The following EIF3J variants were observed in gnomAD, a reference collection of about 807,000 sequenced individuals.
EIF3J encodes eukaryotic translation initiation factor 3 subunit J, also known as eukaryotic translation initiation factor 3, subunit 1 (alpha, 35kD).
EIF3J carries 15 observed loss-of-function variants against 39.0 expected under a neutral mutation model. The ratio of observed to expected loss-of-function variants is 0.38; its 90% confidence interval spans 0.26 to 0.59. EIF3J has a LOEUF of 0.59. Among genes scored for constraint, EIF3J ranks in the 20% least tolerant of loss-of-function variants. EIF3J has a pLI of 0.60. For missense variants in EIF3J, 226 were observed against 308.6 expected, an observed-to-expected ratio of 0.73 and a Z score of 2.00; for synonymous variants, 98 against 112.9, an observed-to-expected ratio of 0.87 and a Z score of 0.84.
intron 2 of EIF3J, among the ~76,000 whole-genome samples, chr15:44,548,032 C>T (rs1018666477): frequency 9.2e-5 from 14 of 152,054 alleles, no homozygotes; most frequent in African/African-American, 3.1e-4. Flanking sequence ...TATGGAAAAA[C>T]AAAACATGCA....
chr15:44,548,505 C>G (rs2082072422), intron 2 of EIF3J, among the ~76,000 whole-genome samples: 1 of 152,050 alleles, frequency 6.6e-6, no homozygotes, highest in Admixed American at 6.6e-5. Flanking sequence ...AGAAATAGAC[C>G]AAGTACATAT....
chr15:44,556,215 T>C (rs909849474), intron 5 of EIF3J, among the ~76,000 whole-genome samples: 1 of 152,214 alleles, frequency 6.6e-6, no homozygotes, highest in African/African-American at 2.4e-5. Context: ...CCCGCTTAGC[T>C]TCTGGAGTTA....
intron 7 of EIF3J, 58 bp from the exon 8 acceptor site, chr15:44,560,960 C>T (rs923068497): frequency 3.1e-5 from 50 of 1,589,180 alleles, no homozygotes; most frequent in Non-Finnish European, 4.2e-5. Context: ...GGTTGCTGTA[C>T]CAGATAAGAT....
intron 2 of EIF3J, among the ~76,000 whole-genome samples, 186 bp downstream of exon 2, chr15:44,537,613 C>G (rs1209898270): frequency 6.6e-6 from 1 of 152,326 alleles, no homozygotes; most frequent in Admixed American, 6.5e-5. Context: ...AGCGTGGCCT[C>G]CCGGACTCCC....
intron 2 of EIF3J, among the ~76,000 whole-genome samples, chr15:44,543,390 C>G (rs1458782048): frequency 6.7e-6 from 1 of 148,660 alleles, no homozygotes; most frequent in Non-Finnish European, 1.5e-5. Flanking sequence ...TGTCATGGCT[C>G]TTCTTGGTAC....
In EIF3J at chr15:44,561,921, A is replaced by G. The variant is rs1489924225; in HGVS notation, c.*772A>G. 1.3e-5 allele frequency: 2 copies of G among 152,638 alleles called. No individual in the cohort carries two copies. The highest frequency in any genetic ancestry group is 4.8e-5 in the African/African-American group (2 of 41,454). The allele number at this position is 152,638 out of a possible 1,614,324, so 9.5% of individuals were successfully genotyped here. A position where few individuals can be genotyped will look rare whatever the true frequency, so the allele number is the denominator to read the frequency against. ...TCTTTGTTCTCTTAGGCTGCAATGG[A>G]ACAACTTTACCAGGGTTTTGGCATT... On this transcript the variant is annotated 3_prime_UTR_variant, in exon 8 of 8. Coordinates refer to ENST00000261868, the MANE Select transcript of EIF3J (RefSeq NM_003758.4).
At chr15:44,549,764 CAAAAAAA>C (rs774290941) in intron 2 of EIF3J, among the ~76,000 whole-genome samples, 2 of 11,460 alleles carry the variant, frequency 1.7e-4, no homozygotes, top group African/African-American at 2.6e-4. Context: ...GACTCCGTCT[CAAAAAAA>C]AAAAAAAAAA....
chr15:44,539,529 TC>T (rs2081990729), intron 2 of EIF3J, among the ~76,000 whole-genome samples: 1 of 151,342 alleles, frequency 6.6e-6, no homozygotes, highest in Admixed American at 6.6e-5. Flanking sequence ...TGCCTCAGCC[TC>T]CCGAGGACTA....
At chr15:44,557,338 A>C in intron 5 of EIF3J, 151 bp from the exon 6 acceptor site, 1 of 443,862 alleles carries the variant, frequency 2.3e-6, no homozygotes. Flanking sequence ...TCACCCAGCC[A>C]TTCTATCCAG....
chr15:44,561,859 A>T lies in EIF3J; in HGVS notation c.*710A>T, dbSNP rs1411336465. The T allele has an allele frequency of 6.6e-6, 1 of 152,498 alleles. No individual in the cohort carries two copies. Among genetic ancestry groups the T allele is most frequent in the African/African-American group, 2.4e-5 (1 of 41,410 alleles). The allele number at this position is 152,498 out of a possible 1,614,324, so 9.4% of individuals were successfully genotyped here. On this transcript the variant is annotated 3_prime_UTR_variant, in exon 8 of 8. Coordinates refer to ENST00000261868, the MANE Select transcript of EIF3J (RefSeq NM_003758.4). ...TGCTTCAGGTGGGGGAGGGAAACTTATTTTTATTTGCCTGATTTAAGTGTC... is the reference window on the plus strand; with the variant it reads ...TGCTTCAGGTGGGGGAGGGAAACTTTTTTTTATTTGCCTGATTTAAGTGTC...
chr15:44,558,859 T>C (rs575554449), intron 6 of EIF3J: 2 of 152,334 alleles, frequency 1.3e-5, no homozygotes, highest in South Asian at 4.1e-4. Flanking sequence ...AGAGTTGATA[T>C]TTTATTCTGC....
intron 5 of EIF3J, 44 bp downstream of exon 5, chr15:44,554,711 G>C (rs1356534499): frequency 7.7e-7 from 1 of 1,301,856 alleles, no homozygotes; most frequent in East Asian, 2.4e-5. Flanking sequence ...AACTGTTACA[G>C]GTGAAGACCC....
At chr15:44,539,764 C>CT (rs1231685190) in intron 2 of EIF3J, among the ~76,000 whole-genome samples, 1 of 134,352 alleles carries the variant, frequency 7.4e-6, no homozygotes, top group Non-Finnish European at 1.6e-5. Context: ...TTAAAGCAAT[C>CT]TATCTATTCA....
At chr15:44,544,575 A>G (rs2082038184) in intron 2 of EIF3J, among the ~76,000 whole-genome samples, 1 of 151,756 alleles carries the variant, frequency 6.6e-6, no homozygotes. Flanking sequence ...GTGGTAGCAC[A>G]TGCCTGTAAT....
chr15:44,560,678 A>G, intron 7 of EIF3J: 1 of 335,484 alleles, frequency 3.0e-6, no homozygotes, highest in Non-Finnish European at 5.5e-6. Flanking sequence ...TAAGAGAAGT[A>G]TGTCAAGTAA....
chr15:44,539,768 CTATT>C (rs1302412776), intron 2 of EIF3J, among the ~76,000 whole-genome samples: 1 of 131,010 alleles, frequency 7.6e-6, no homozygotes, highest in African/African-American at 2.9e-5. Flanking sequence ...AGCAATCTAT[CTATT>C]CATCTAATTT....
rs760374692 is a variant in EIF3J, at chr15:44,550,911, G to T, written c.183G>T (p.Glu61Asp). The T allele has an allele frequency of 5.0e-6, 8 of 1,609,324 alleles. No homozygotes were observed. The highest frequency in any genetic ancestry group is 1.3e-5 in the African/African-American group (1 of 74,816). The change falls in exon 3 of 8, where the codon GAG becomes GAT. Residue 61 changes from glutamate (E) to aspartate (D), a missense_variant. Transcript: ENST00000261868. ...NWDDDDDEKK[E>D]EAEVKPEVKI... is the part of the protein sequence containing the mutation. The stretch of plus-strand genomic sequence containing the variant: ...ATGACGATGATGATGAAAAAAAAGA[G>T]GAAGCAGAAGTAAAACCAGGTGAGC...
In EIF3J at chr15:44,561,853, A is replaced by G. The variant is rs1329375009; in HGVS notation, c.*704A>G. 1 of 152,484 alleles carries G rather than the reference A, an allele frequency of 6.6e-6. No homozygotes were observed. The highest frequency in any genetic ancestry group is 2.4e-5 in the African/African-American group (1 of 41,362). 9.4% of individuals were successfully genotyped at this position (152,484 alleles called of 1,614,324 possible). ...ATGAACTGCTTCAGGTGGGGGAGGG[A>G]AACTTATTTTTATTTGCCTGATTTA... On this transcript the variant is annotated 3_prime_UTR_variant, in exon 8 of 8. Transcript: ENST00000261868.
chr15:44,546,023 A>C (rs769808128), intron 2 of EIF3J, among the ~76,000 whole-genome samples: 2 of 152,190 alleles, frequency 1.3e-5, no homozygotes, highest in African/African-American at 4.8e-5. Context: ...GAAGTAAGCA[A>C]ATGGTCCTCC....
Sources: allele counts gnomAD v4.1 joint callset (sites outside exome capture counted in the v4.1 genomes callset), GRCh38; gene constraint gnomAD v4.1.1; transcripts MANE v1.5; gene names NCBI Gene and HGNC (gene_info 2026-07-23, HGNC 2026-07-21).